WDFY3: variants seen among roughly 807,000 people sequenced by gnomAD.
WDFY3 encodes WD repeat and FYVE domain containing 3, also known as WD repeat and FYVE domain-containing protein 3.
Under a neutral mutation model 409.6 loss-of-function variants are expected in WDFY3, and 66 were observed. That is an observed-to-expected ratio of 0.16 (90% CI 0.13 to 0.20). WDFY3 has a LOEUF of 0.20. Among genes scored for constraint, WDFY3 ranks in the 10% least tolerant of loss-of-function variants. WDFY3 has a pLI of 1.00. For missense variants in WDFY3, 3,031 were observed against 4,298.1 expected, an observed-to-expected ratio of 0.71 and a Z score of 8.24; for synonymous variants, 1,521 against 1,537.1, an observed-to-expected ratio of 0.99 and a Z score of 0.25.
At chr4:84,741,309 C>G (rs1230542756) in intron 38 of WDFY3, among the ~76,000 whole-genome samples, 1 of 150,970 alleles carries the variant, frequency 6.6e-6, no homozygotes, top group African/African-American at 2.4e-5. Flanking sequence ...GTCTGTATCT[C>G]TATTCAGTTT....
chr4:84,956,632 T>C (rs535563122), intron 1 of WDFY3, among the ~76,000 whole-genome samples: 24 of 152,322 alleles, frequency 1.6e-4, no homozygotes, highest in African/African-American at 5.3e-4. Flanking sequence ...TACAATACTT[T>C]AAATCCACTG....
At chr4:84,769,990 T>G (rs190812447) in intron 30 of WDFY3, among the ~76,000 whole-genome samples, 1 of 152,224 alleles carries the variant, frequency 6.6e-6, no homozygotes, top group East Asian at 1.9e-4. Flanking sequence ...AGATGATTGT[T>G]ATCATTTTTT....
intron 35 of WDFY3, among the ~76,000 whole-genome samples, chr4:84,752,893 C>T (rs1740782349): frequency 6.6e-6 from 1 of 152,100 alleles, no homozygotes; most frequent in Non-Finnish European, 1.5e-5. Context: ...TAATCAACAT[C>T]AACGTGCAAA....
chr4:84,939,283 A>T (rs1038425562), intron 1 of WDFY3, among the ~76,000 whole-genome samples: 17 of 152,146 alleles, frequency 1.1e-4, no homozygotes, highest in Non-Finnish European at 2.9e-5. Flanking sequence ...ACTACAGAGG[A>T]GATGATGTGT....
At chr4:84,954,451 G>T (rs925810652) in intron 1 of WDFY3, among the ~76,000 whole-genome samples, 1 of 152,188 alleles carries the variant, frequency 6.6e-6, no homozygotes, top group East Asian at 1.9e-4. Flanking sequence ...GGACTGTAGG[G>T]TCAAAGAGAC....
chr4:84,862,147 T>C (rs560960856), intron 3 of WDFY3, among the ~76,000 whole-genome samples: 132 of 152,358 alleles, frequency 8.7e-4, no homozygotes, highest in Admixed American at 1.7e-3. Flanking sequence ...CCCTTGAGAA[T>C]TTTGAGTGAA....
intron 46 of WDFY3, 128 bp downstream of exon 46, chr4:84,724,298 A>G: frequency 1.9e-6 from 2 of 1,026,990 alleles, no homozygotes; most frequent in Non-Finnish European, 2.7e-6. Flanking sequence ...GAAGGGTGAG[A>G]TGGTAAAATG....
intron 4 of WDFY3, among the ~76,000 whole-genome samples, chr4:84,859,699 C>T (rs192667145): frequency 1.5e-3 from 226 of 152,264 alleles, no homozygotes; most frequent in African/African-American, 5.0e-3. Context: ...CCTCAGCCTC[C>T]CGAATAGCTG....
At chr4:84,885,086 C>T (rs1335405839) in intron 3 of WDFY3, among the ~76,000 whole-genome samples, 1 of 152,140 alleles carries the variant, frequency 6.6e-6, no homozygotes, top group South Asian at 2.1e-4. Context: ...CTGCACCCTC[C>T]GCCTCCTGGG....
At chr4:84,718,682 T>C (rs941450460) in intron 47 of WDFY3, 112 bp from the exon 48 acceptor site, 3 of 1,275,988 alleles carry the variant, frequency 2.4e-6, no homozygotes, top group Non-Finnish European at 3.2e-6. Flanking sequence ...AGTTTAAGCA[T>C]ATTGAGAAGA....
chr4:84,841,344 T>C, intron 5 of WDFY3, 81 bp from the exon 6 acceptor site: 5 of 1,216,276 alleles, frequency 4.1e-6, no homozygotes, highest in Non-Finnish European at 5.8e-6. Context: ...ACCAAGGAAA[T>C]GAAAATTTAC....
chr4:84,713,332 T>G (rs1038983227), intron 50 of WDFY3, 93 bp from the exon 51 acceptor site: 16 of 1,163,050 alleles, frequency 1.4e-5, no homozygotes, highest in Non-Finnish European at 2.1e-5. Flanking sequence ...TAGATTTTCA[T>G]AGTTGCGTCT....
At chr4:84,824,921 T>C (rs1442191518) in intron 10 of WDFY3, among the ~76,000 whole-genome samples, 1 of 152,192 alleles carries the variant, frequency 6.6e-6, no homozygotes, top group African/African-American at 2.4e-5. Flanking sequence ...ATTCACTTTA[T>C]AGAATATTAT....
chr4:84,933,125 G>A (rs890833488), intron 1 of WDFY3, among the ~76,000 whole-genome samples: 2 of 152,122 alleles, frequency 1.3e-5, no homozygotes, highest in African/African-American at 4.8e-5. Flanking sequence ...TTATACCAAA[G>A]AATAGCATCA....
At chr4:84,815,833 T>C (rs576017207) in intron 13 of WDFY3, among the ~76,000 whole-genome samples, 2 of 152,256 alleles carry the variant, frequency 1.3e-5, no homozygotes, top group Admixed American at 1.3e-4. Context: ...GCACTCGAAA[T>C]TAAGAAATAT....
chr4:84,908,186 G>T (rs560468325), intron 2 of WDFY3, among the ~76,000 whole-genome samples: 10 of 152,212 alleles, frequency 6.6e-5, no homozygotes, highest in South Asian at 2.1e-4. Context: ...TATGGAAAAC[G>T]GCTCCAAAGG....
chr4:84,759,972 C>A (rs942143184), intron 32 of WDFY3, among the ~76,000 whole-genome samples: 7 of 151,736 alleles, frequency 4.6e-5, no homozygotes, highest in Non-Finnish European at 8.8e-5. Context: ...TTTTGAGATA[C>A]GTCCCATCAA....
intron 30 of WDFY3, among the ~76,000 whole-genome samples, chr4:84,767,602 A>T (rs891162545): frequency 6.6e-6 from 1 of 151,640 alleles, no homozygotes; most frequent in Non-Finnish European, 1.5e-5. Flanking sequence ...TGAAAGTGCT[A>T]CTCCAGTGAA....
At chr4:84,774,691 T>C (rs907634063) in intron 29 of WDFY3, 129 bp downstream of exon 29, 152 of 983,996 alleles carry the variant, frequency 1.5e-4, no homozygotes, top group Admixed American at 2.9e-4. Flanking sequence ...GTCATAAATA[T>C]TTTGAATCGT....
Sources: gnomAD v4.1 joint callset for allele counts (sites outside exome capture counted in the v4.1 genomes callset) on GRCh38, gnomAD v4.1.1 for gene constraint, MANE v1.5 for transcripts, NCBI Gene and HGNC (gene_info 2026-07-23, HGNC 2026-07-21) for gene names.